Variants in TIAM1 observed in about 807,000 individuals in gnomAD.
The protein encoded by TIAM1 is rho guanine nucleotide exchange factor TIAM1.
In TIAM1, 65 loss-of-function variants were observed where a neutral mutation model predicts 163.5. That is an observed-to-expected ratio of 0.40 (90% CI 0.33 to 0.49). The LOEUF (loss-of-function observed/expected upper bound fraction) is 0.49, where lower values mean the gene tolerates loss of function less well. Among genes scored for constraint, TIAM1 ranks in the 20% least tolerant of loss-of-function variants. The pLI is 0.77. For synonymous variants in TIAM1, 833 were observed against 810.1 expected, an observed-to-expected ratio of 1.03 and a Z score of -0.48; for missense variants, 1,789 against 2,044.7, an observed-to-expected ratio of 0.87 and a Z score of 2.41.
In TIAM1 at chr21:31,266,559, G is replaced by A. The variant is rs765881295; in HGVS notation, c.414C>T (p.Asp138=). The change falls in exon 4 of 28, where the codon GAC becomes GAT. Residue 138 remains aspartate (D), a synonymous_variant. Coordinates refer to ENST00000541036, the MANE Select transcript of TIAM1 (RefSeq NM_001353694.2). The part of the protein sequence containing the change: ...DTEESRLYGD[D]ATYLAEGGRR... ...TGCCTCCCTCAGCCAAATATGTAGC[G>A]TCATCCCCGTAAAGCCTGCTCTCCT... 38 of 1,614,060 alleles carry A rather than the reference G, an allele frequency of 2.4e-5. No homozygotes were observed. Among genetic ancestry groups the A allele is most frequent in the Non-Finnish European group, 2.8e-5 (33 of 1,180,052 alleles).
intron 9 of TIAM1, among the ~76,000 whole-genome samples, chr21:31,216,687 G>A (rs545735632): frequency 3.9e-5 from 6 of 152,222 alleles, no homozygotes; most frequent in East Asian, 1.9e-4. Context: ...CACCCGTCAC[G>A]GCACCAGGCT....
At chr21:31,446,883 T>A (rs555502830) in intron 2 of TIAM1, among the ~76,000 whole-genome samples, 1 of 152,222 alleles carries the variant, frequency 6.6e-6, no homozygotes, top group Non-Finnish European at 1.5e-5. Flanking sequence ...AAATACTTTA[T>A]TCATCTTAAA....
At chr21:31,225,137 G>A (rs1044905943) in intron 7 of TIAM1, among the ~76,000 whole-genome samples, 2 of 151,764 alleles carry the variant, frequency 1.3e-5, no homozygotes, top group African/African-American at 2.4e-5. Flanking sequence ...CTCTCCTCTC[G>A]GCCTCCTGAG....
At chr21:31,168,233 C>G (rs2084334104) in intron 15 of TIAM1, among the ~76,000 whole-genome samples, 1 of 151,778 alleles carries the variant, frequency 6.6e-6, no homozygotes, top group Non-Finnish European at 1.5e-5. Context: ...GCTGGGATTA[C>G]AGGTGCCCGT....
intron 1 of TIAM1, among the ~76,000 whole-genome samples, chr21:31,554,091 C>A (rs1483221812): frequency 6.6e-6 from 1 of 152,114 alleles, no homozygotes. Flanking sequence ...GGAGAACGCT[C>A]CTTTGGAAAC....
chr21:31,281,963 T>C (rs1439243655), intron 2 of TIAM1, among the ~76,000 whole-genome samples: 1 of 152,226 alleles, frequency 6.6e-6, no homozygotes, highest in Non-Finnish European at 1.5e-5. Flanking sequence ...AGAAGTTTCA[T>C]CACTTTTTAA....
rs1569115678 is a variant in TIAM1 at position 31,256,595 on chromosome 21, ACAC to A, written c.964-4409_964-4407del. Among the ~76,000 whole-genome samples, 723 of 144,618 alleles carry A rather than the reference ACAC, an allele frequency of 5.0e-3. 4 individuals carry two copies. The highest frequency in any genetic ancestry group is 0.019 in the African/African-American group (690 of 36,690). The allele number at this position is 144,618 out of a possible 152,430, so 94.9% of individuals were successfully genotyped here. A position where few individuals can be genotyped will look rare whatever the true frequency, so the allele number is the denominator to read the frequency against. Reference sequence around the variant, plus strand: ...ATATTAAGTACCCCTCACTACACACACACACACACACACACACACACACACACA... The same window carrying A: ...ATATTAAGTACCCCTCACTACACACAACACACACACACACACACACACACA... On this transcript the variant is annotated intron_variant, in intron 4 of 27. Transcript: ENST00000541036.
intron 11 of TIAM1, among the ~76,000 whole-genome samples, 192 bp downstream of exon 11, chr21:31,209,853 C>T (rs1244666809): frequency 6.6e-6 from 1 of 152,172 alleles, no homozygotes; most frequent in Admixed American, 6.5e-5. Context: ...CCTCTCTTCC[C>T]AAAGGTGAAG....
At chr21:31,520,060 G>A (rs1006422825) in intron 1 of TIAM1, among the ~76,000 whole-genome samples, 9 of 152,156 alleles carry the variant, frequency 5.9e-5, no homozygotes, top group Admixed American at 4.6e-4. Context: ...GGCCGGGCGC[G>A]GTGGCCACGC....
chr21:31,211,093 C>T (rs187138528), intron 10 of TIAM1, among the ~76,000 whole-genome samples: 66 of 152,220 alleles, frequency 4.3e-4, no homozygotes, highest in African/African-American at 1.5e-3. Flanking sequence ...AAGAACTTGA[C>T]GGATAACATC....
chr21:31,195,174 A>T (rs1457583207), intron 13 of TIAM1, 50 bp downstream of exon 13: 1 of 1,435,162 alleles, frequency 7.0e-7, no homozygotes, highest in Non-Finnish European at 9.8e-7. Context: ...ATGCATGCTT[A>T]CATAAGAAAT....
chr21:31,243,630 T>A (rs2071340328), intron 6 of TIAM1, among the ~76,000 whole-genome samples: 7 of 152,058 alleles, frequency 4.6e-5, no homozygotes, highest in Admixed American at 3.9e-4. Context: ...ATTTTTAAAA[T>A]TTAAAAATAT....
intron 2 of TIAM1, among the ~76,000 whole-genome samples, chr21:31,287,101 AAT>A (rs1167796664): frequency 3.9e-5 from 6 of 152,240 alleles, no homozygotes; most frequent in African/African-American, 1.2e-4. Context: ...TTTGAAATTG[AAT>A]ATATCTTACA....
chr21:31,510,642 G>A (rs1386233678), intron 1 of TIAM1, among the ~76,000 whole-genome samples: 1 of 151,910 alleles, frequency 6.6e-6, no homozygotes. Context: ...ATGAAACCTC[G>A]TCTCTACTAA....
intron 25 of TIAM1, 22 bp from the exon 26 acceptor site, chr21:31,127,174 T>C (rs776848466): frequency 6.2e-7 from 1 of 1,606,638 alleles, no homozygotes; most frequent in East Asian, 2.2e-5. Context: ...AAAACAACAA[T>C]GAATCAGGGT....
At chr21:31,374,419 G>A (rs547216424) in intron 2 of TIAM1, among the ~76,000 whole-genome samples, 1 of 152,180 alleles carries the variant, frequency 6.6e-6, no homozygotes, top group African/African-American at 2.4e-5. Flanking sequence ...CTACATATAC[G>A]GAATATTCTG....
chr21:31,325,485 C>A (rs1164164939), intron 2 of TIAM1, among the ~76,000 whole-genome samples: 1 of 151,738 alleles, frequency 6.6e-6, no homozygotes, highest in East Asian at 1.9e-4. Context: ...CTGGCCAACA[C>A]GGCAAAACCC....
rs141718458 is a variant in TIAM1 at position 31,224,682 on chromosome 21, G to A, written c.1809+1044C>T. ...CGTACTCGATGTTACTGAATTGTTCGTGTTAAAATGGTTGATTTTACATTG... is the reference window on the plus strand; with the variant it reads ...CGTACTCGATGTTACTGAATTGTTCATGTTAAAATGGTTGATTTTACATTG... On this transcript the variant is annotated intron_variant, in intron 7 of 27. Coordinates refer to ENST00000541036, the MANE Select transcript of TIAM1 (RefSeq NM_001353694.2). Among the ~76,000 whole-genome samples the A allele has an allele frequency of 6.8e-3, 1,040 of 152,242 alleles. 5 individuals are homozygous for A. Among genetic ancestry groups the A allele is most frequent in the African/African-American group, 0.024 (988 of 41,516 alleles).
intron 20 of TIAM1, among the ~76,000 whole-genome samples, chr21:31,142,643 A>AAG (rs2082905876): frequency 6.1e-5 from 9 of 147,310 alleles, no homozygotes; most frequent in African/African-American, 2.1e-4. Flanking sequence ...AAAAAAAAAA[A>AAG]AAAGAAAGAA....
Sources: gnomAD v4.1 joint callset for allele counts (sites outside exome capture counted in the v4.1 genomes callset) on GRCh38, gnomAD v4.1.1 for gene constraint, MANE v1.5 for transcripts, NCBI Gene and HGNC (gene_info 2026-07-23, HGNC 2026-07-21) for gene names.